Variants in NCALD observed in about 807,000 individuals in gnomAD.
The protein encoded by NCALD is neurocalcin delta, also known as neurocalcin-delta.
A neutral mutation model predicts 18.6 loss-of-function variants in NCALD; 10 were observed. The observed-to-expected ratio is 0.54, with a 90% confidence interval of 0.33 to 0.91. NCALD has a LOEUF of 0.91. Among genes scored for constraint, NCALD ranks in the 40% least tolerant of loss-of-function variants. NCALD has a pLI of 0.03. For missense variants in NCALD, 184 were observed against 247.6 expected (o/e 0.74, Z 1.72); for synonymous variants, 88 against 87.4 (o/e 1.01, Z -0.04).
intron 3 of NCALD, among the ~76,000 whole-genome samples, chr8:101,908,332 T>C (rs1359881387): frequency 1.3e-5 from 2 of 152,132 alleles, no homozygotes; most frequent in Non-Finnish European, 2.9e-5. Flanking sequence ...CTTGGGAGTT[T>C]GTGGGGAGGG....
chr8:101,899,006 A>T (rs1318085380), intron 3 of NCALD, among the ~76,000 whole-genome samples: 1 of 152,078 alleles, frequency 6.6e-6, no homozygotes, highest in Non-Finnish European at 1.5e-5. Context: ...TGACTCTTCC[A>T]ATCCACAAAC....
At chr8:101,751,167 T>C (rs1333357943) in intron 1 of NCALD, among the ~76,000 whole-genome samples, 1 of 152,148 alleles carries the variant, frequency 6.6e-6, no homozygotes, top group African/African-American at 2.4e-5. Flanking sequence ...CCTTAAAAAA[T>C]GAAGCTCTGA....
At chr8:101,864,840 C>T (rs1397849638) in intron 4 of NCALD, among the ~76,000 whole-genome samples, 2 of 152,022 alleles carry the variant, frequency 1.3e-5, no homozygotes, top group Non-Finnish European at 2.9e-5. Flanking sequence ...AGGTGATCCG[C>T]CCATCTCAGC....
intron 2 of NCALD, among the ~76,000 whole-genome samples, chr8:101,933,321 G>A (rs1818644374): frequency 6.6e-6 from 1 of 152,204 alleles, no homozygotes; most frequent in African/African-American, 2.4e-5. Flanking sequence ...ATCAGAGTCA[G>A]GGGAGAAAGC....
chr8:102,076,520 T>C (rs1398756323), intron 1 of NCALD, among the ~76,000 whole-genome samples: 1 of 147,380 alleles, frequency 6.8e-6, no homozygotes, highest in African/African-American at 2.7e-5. Flanking sequence ...AACTCAATCA[T>C]GGGAGTGAAA....
At chr8:101,927,741 T>A (rs1401749788) in intron 2 of NCALD, among the ~76,000 whole-genome samples, 1 of 152,130 alleles carries the variant, frequency 6.6e-6, no homozygotes, top group Non-Finnish European at 1.5e-5. Context: ...CTACCCAGTG[T>A]CCTGTCCTTG....
intron 4 of NCALD, among the ~76,000 whole-genome samples, chr8:101,870,473 A>G (rs980757695): frequency 6.6e-6 from 1 of 152,166 alleles, no homozygotes; most frequent in African/African-American, 2.4e-5. Flanking sequence ...GCACTTAATA[A>G]TCTTTTTTTT....
At chr8:102,073,855 G>A (rs1010465177) in intron 1 of NCALD, among the ~76,000 whole-genome samples, 1 of 152,206 alleles carries the variant, frequency 6.6e-6, no homozygotes, top group South Asian at 2.1e-4. Flanking sequence ...GGTTGAAATT[G>A]CTGTCTCTTT....
chr8:101,783,259 A>G (rs1812089602), intron 1 of NCALD, among the ~76,000 whole-genome samples: 9 of 152,190 alleles, frequency 5.9e-5, no homozygotes, highest in Admixed American at 5.2e-4. Context: ...GTAAGTGAGA[A>G]GAGAGTTGGG....
chr8:101,751,564 C>T (rs1385098650), intron 1 of NCALD, among the ~76,000 whole-genome samples: 1 of 152,070 alleles, frequency 6.6e-6, no homozygotes, highest in African/African-American at 2.4e-5. Context: ...GGAAATGAAT[C>T]GCCCAGCTGT....
intron 2 of NCALD, among the ~76,000 whole-genome samples, chr8:101,948,587 T>C (rs2131797510): frequency 6.6e-6 from 1 of 152,238 alleles, no homozygotes; most frequent in Admixed American, 6.5e-5. Flanking sequence ...CATGGATAAG[T>C]AGCAACTGCT....
intron 2 of NCALD, among the ~76,000 whole-genome samples, chr8:101,929,058 G>A (rs940425272): frequency 6.6e-6 from 1 of 151,426 alleles, no homozygotes; most frequent in African/African-American, 2.4e-5. Flanking sequence ...CTCTTTTGTG[G>A]GTATTCCCAT....
chr8:101,937,941 C>T (rs766455240), intron 2 of NCALD, among the ~76,000 whole-genome samples: 3 of 152,184 alleles, frequency 2.0e-5, no homozygotes, highest in African/African-American at 7.2e-5. Flanking sequence ...CTCCAAGTCA[C>T]GTACTAGCCC....
At chr8:102,013,929 C>A (rs1451337138) in intron 2 of NCALD, among the ~76,000 whole-genome samples, 1 of 152,176 alleles carries the variant, frequency 6.6e-6, no homozygotes, top group East Asian at 1.9e-4. Context: ...CACTGAATAA[C>A]AAGATACTCA....
At chr8:102,063,876 C>T (rs1823921702) in intron 1 of NCALD, among the ~76,000 whole-genome samples, 1 of 152,168 alleles carries the variant, frequency 6.6e-6, no homozygotes, top group Non-Finnish European at 1.5e-5. Flanking sequence ...CTGCTTCATC[C>T]TGAGGTGAGT....
At chr8:102,070,548 C>T (rs1469634554) in intron 1 of NCALD, among the ~76,000 whole-genome samples, 1 of 152,074 alleles carries the variant, frequency 6.6e-6, no homozygotes, top group South Asian at 2.1e-4. Flanking sequence ...GTCAAAACTG[C>T]CTTAAATACT....
At chr8:101,858,941 T>A (rs776267562) in intron 4 of NCALD, among the ~76,000 whole-genome samples, 2 of 151,952 alleles carry the variant, frequency 1.3e-5, no homozygotes, top group Admixed American at 6.5e-5. Flanking sequence ...CAGAAAAAAA[T>A]TCAACAATTG....
At chr8:102,032,501 A>G (rs962876097) in intron 1 of NCALD, among the ~76,000 whole-genome samples, 1 of 151,924 alleles carries the variant, frequency 6.6e-6, no homozygotes, top group African/African-American at 2.4e-5. Flanking sequence ...ACACATCTGG[A>G]TATCTGTTTT....
At chr8:102,014,602 A>G (rs1822017802) in intron 2 of NCALD, among the ~76,000 whole-genome samples, 1 of 152,230 alleles carries the variant, frequency 6.6e-6, no homozygotes, top group African/African-American at 2.4e-5. Context: ...TTGAAAAGTA[A>G]TAAGTTTTAA....
Sources: allele counts gnomAD v4.1 joint callset (sites outside exome capture counted in the v4.1 genomes callset), GRCh38; gene constraint gnomAD v4.1.1; transcripts MANE v1.5; gene names NCBI Gene and HGNC (gene_info 2026-07-23, HGNC 2026-07-21).